PGD: variants seen among roughly 807,000 people sequenced by gnomAD.
PGD encodes 6-phosphogluconate dehydrogenase, decarboxylating.
In PGD, 21 loss-of-function variants were observed where a neutral mutation model predicts 60.4. The ratio of observed to expected loss-of-function variants is 0.35; its 90% CI spans 0.25 to 0.50. The LOEUF (loss-of-function observed/expected upper bound fraction) is 0.50, where lower values mean the gene tolerates loss of function less well. PGD is among the 20% of genes least tolerant of loss of function. PGD has a pLI of 0.98. For missense variants in PGD, 477 were observed against 613.1 expected, an observed-to-expected ratio of 0.78 and a Z score of 2.34; for synonymous variants, 230 against 235.9, an observed-to-expected ratio of 0.97 and a Z score of 0.23.
chr1:10,407,746 G>A (rs903100976), intron 5 of PGD, among the ~76,000 whole-genome samples: 1 of 151,904 alleles, frequency 6.6e-6, no homozygotes, highest in African/African-American at 2.4e-5. Context: ...AGGAGTTCGA[G>A]ACCAATCTGG....
At chr1:10,415,984 T>C (rs1302031443) in intron 8 of PGD, among the ~76,000 whole-genome samples, 1 of 152,318 alleles carries the variant, frequency 6.6e-6, no homozygotes. Flanking sequence ...TCCGTAAATG[T>C]GACTTATCAA....
In PGD at chr1:10,419,945, G is replaced by C. The variant is rs1278323623; in HGVS notation, c.*196G>C. On this transcript the variant is annotated 3_prime_UTR_variant, in exon 13 of 13. Transcript: ENST00000270776. ...ACCATGCCCTCTGCCCTTGCCTCTT[G>C]GGACTGACCAGGAGCTGCTCATGTG... is the stretch of plus-strand genomic sequence containing the variant. 3 of 614,524 alleles carry C rather than the reference G, an allele frequency of 4.9e-6. No individual in the cohort carries two copies. In the African/African-American group the frequency reaches 5.5e-5, roughly 11 times the overall value. 38.1% of individuals were successfully genotyped at this position (614,524 alleles called of 1,614,324 possible).
At chr1:10,419,174 A>ATTTTTTT (rs36039303) in intron 11 of PGD, among the ~76,000 whole-genome samples, 3 of 138,250 alleles carry the variant, frequency 2.2e-5, no homozygotes, top group Non-Finnish European at 1.6e-5. Context: ...TACCTGGCTA[A>ATTTTTTT]TTTTTTTTTT....
At position 10,417,238 on chromosome 1, in the gene PGD, C is replaced by A. The variant is rs61775988; in HGVS notation, c.975+121C>A. The A allele has an allele frequency of 3.5e-5, 50 of 1,446,874 alleles. No individual in the cohort carries two copies. The African/African-American group carries it at 5.5e-4, about 16-fold the overall frequency. The allele number at this position is 1,446,874 out of a possible 1,614,324, so 89.6% of individuals were successfully genotyped here. A position where few individuals can be genotyped will look rare whatever the true frequency, so the allele number is the denominator to read the frequency against. On this transcript the variant is annotated intron_variant, in intron 9 of 12. Transcript: ENST00000270776. ...CAGGTGGAATGAAGTTCAGCCTTGA[C>A]TTGGATCTTGACTTACAATGTTTTC... is the stretch of plus-strand genomic sequence containing the variant.
At chr1:10,418,786 A>G in intron 10 of PGD, 40 bp from the exon 11 acceptor site, 16 of 1,263,792 alleles carry the variant, frequency 1.3e-5, no homozygotes, top group Non-Finnish European at 1.7e-5. Flanking sequence ...AAAAAAAAAA[A>G]AAAAGACTCA....
chr1:10,417,291 C>T (rs745523646), intron 9 of PGD, 85 bp from the exon 10 acceptor site: 152 of 1,473,374 alleles, frequency 1.0e-4, no homozygotes, highest in Non-Finnish European at 1.3e-4. Context: ...CTGGGATCTC[C>T]ACTGCTGATG....
At chr1:10,416,480 T>A (rs895662298) in intron 8 of PGD, among the ~76,000 whole-genome samples, 1 of 152,252 alleles carries the variant, frequency 6.6e-6, no homozygotes, top group Admixed American at 6.5e-5. Context: ...CAGACTTTCC[T>A]GCTCCACCTT....
rs1437495011 is a variant in PGD at position 10,399,090 on chromosome 1, G to A, written c.-28G>A. The A allele has an allele frequency of 6.2e-7, 1 of 1,608,994 alleles. No homozygotes were observed. The highest frequency in any genetic ancestry group is 8.5e-7 in the Non-Finnish European group (1 of 1,179,468). On this transcript the variant is annotated 5_prime_UTR_variant, in exon 1 of 13. Transcript: ENST00000270776. ...CCTCACTCGTCCTCCGCGCGTCGCCGCTCTTCGGTTCTGCTCTGTCCGCCG... is the reference window on the plus strand; with the variant it reads ...CCTCACTCGTCCTCCGCGCGTCGCCACTCTTCGGTTCTGCTCTGTCCGCCG...
chr1:10,405,401 TACACAC>T (rs57033638), intron 5 of PGD, among the ~76,000 whole-genome samples: 11 of 108,506 alleles, frequency 1.0e-4, no homozygotes, highest in East Asian at 6.4e-4. Context: ...AAACAAAAAA[TACACAC>T]ACACACACAC....
At chr1:10,403,685 A>G (rs993896204) in intron 4 of PGD, among the ~76,000 whole-genome samples, 5 of 151,876 alleles carry the variant, frequency 3.3e-5, no homozygotes, top group East Asian at 3.9e-4. Flanking sequence ...CAGGCTGAGA[A>G]TTACGTTTTA....
At chr1:10,404,445 G>A (rs767614473) in intron 5 of PGD, among the ~76,000 whole-genome samples, 166 bp downstream of exon 5, 4 of 151,988 alleles carry the variant, frequency 2.6e-5, no homozygotes, top group African/African-American at 4.8e-5. Flanking sequence ...CTTTGATATA[G>A]TATATGTGCA....
chr1:10,403,014 A>T, intron 3 of PGD, 57 bp from the exon 4 acceptor site: 3 of 1,105,244 alleles, frequency 2.7e-6, no homozygotes, highest in Non-Finnish European at 4.2e-6. Flanking sequence ...TGTTTGTTTT[A>T]ATTTGCCAAG....
chr1:10,403,727 G>A (rs1639354083), intron 4 of PGD, among the ~76,000 whole-genome samples: 1 of 151,900 alleles, frequency 6.6e-6, no homozygotes, highest in Non-Finnish European at 1.5e-5. Context: ...AGTAATCCAT[G>A]ATATGTCAGT....
rs1398700707 is a variant in PGD, at chr1:10,399,909, T to C, written c.84+205T>C. On this transcript the variant is annotated intron_variant, in intron 2 of 12. Transcript: ENST00000270776. Reference sequence around the variant, plus strand: ...AACTTAGTCCTGCGGAGTGTGCCTGTGGGTCCGTGAGGTTCACAGCCCGAA... The same window carrying C: ...AACTTAGTCCTGCGGAGTGTGCCTGCGGGTCCGTGAGGTTCACAGCCCGAA... 3 of 601,464 alleles carry C rather than the reference T, an allele frequency of 5.0e-6. No homozygotes were observed. In the Admixed American group the frequency reaches 8.5e-5, roughly 17 times the overall value. 37.3% of individuals were successfully genotyped at this position (601,464 alleles called of 1,614,324 possible).
chr1:10,419,724 T>A lies in PGD; in HGVS notation c.1427T>A (p.Val476Glu), dbSNP rs1557767526. 6.2e-7 allele frequency: 1 copy of A among 1,614,250 alleles called. No individual in the cohort carries two copies. The highest frequency in any genetic ancestry group is 1.7e-5 in the Admixed American group (1 of 60,032). Residue 476 changes from valine (V) to glutamate (E), a missense_variant, in exon 13 of 13, where the codon GTG (valine) becomes GAG (glutamate). Val to Glu is a moderately radical substitution (Grantham distance 121). This residue lies in a region of PGD where 44 missense variants were observed against 40.3 expected (regional missense o/e 1.09). Transcript: ENST00000270776. ...HTNWTGHGGT[V>E]SSSSYNA is the part of the protein sequence containing the mutation. ...AACTGGACAGGCCATGGTGGCACCG[T>A]GTCATCCTCGTCATACAATGCCTGA...
At chr1:10,405,032 G>A (rs1639377078) in intron 5 of PGD, among the ~76,000 whole-genome samples, 1 of 152,074 alleles carries the variant, frequency 6.6e-6, no homozygotes, top group Non-Finnish European at 1.5e-5. Context: ...GGACAACATA[G>A]CGAGATCCTG....
At chr1:10,413,028 T>C in intron 7 of PGD, 34 bp from the exon 8 acceptor site, 1 of 1,588,400 alleles carries the variant, frequency 6.3e-7, no homozygotes. Flanking sequence ...CCCTCATTCC[T>C]CTAACATGGT....
intron 5 of PGD, among the ~76,000 whole-genome samples, chr1:10,406,861 T>G (rs906276283): frequency 1.2e-4 from 19 of 152,358 alleles, no homozygotes; most frequent in African/African-American, 4.1e-4. Context: ...ATTCTGTGCC[T>G]GGCAGCACAC....
chr1:10,413,183 G>C lies in PGD; in HGVS notation c.776G>C (p.Gly259Ala), dbSNP rs750694945. 18 of 1,614,064 alleles carry C rather than the reference G, an allele frequency of 1.1e-5. No individual in the cohort carries two copies. Among genetic ancestry groups the C allele is most frequent in the Non-Finnish European group, 1.5e-5 (18 of 1,180,044 alleles). ...CTGCCAAAGATCAGGGACAGCGCGG[G>C]GCAGAAGGGCACAGGGAAGTGGACC... ...HLLPKIRDSA[G>A]QKGTGKWTAI... Residue 259 changes from glycine (G) to alanine (A), a missense_variant, in exon 8 of 13, where the codon GGG becomes GCG. Gly to Ala is a moderately conservative substitution (Grantham distance 60). This residue lies in a region of PGD where 431 missense variants were observed against 556.6 expected (regional missense o/e 0.77). Transcript: ENST00000270776.
Sources: gnomAD v4.1 joint callset for allele counts (sites outside exome capture counted in the v4.1 genomes callset) on GRCh38, gnomAD v4.1.1 for gene constraint, gnomAD v4.1.1 regional missense constraint, MANE v1.5 for transcripts, NCBI Gene and HGNC (gene_info 2026-07-23, HGNC 2026-07-21) for gene names.